MTHFD1L: variants seen among roughly 807,000 people sequenced by gnomAD.
The protein encoded by MTHFD1L is methylenetetrahydrofolate dehydrogenase (NADP+ dependent) 1 like, also known as monofunctional C1-tetrahydrofolate synthase, mitochondrial.
A neutral mutation model predicts 119.5 loss-of-function variants in MTHFD1L; 81 were observed. The observed-to-expected ratio is 0.68, with a 90% CI of 0.57 to 0.82. The LOEUF (loss-of-function observed/expected upper bound fraction) is 0.82. Ranked by LOEUF, MTHFD1L falls within the 40% of genes least tolerant of loss-of-function variation. MTHFD1L has a pLI of 0.00. For synonymous variants in MTHFD1L, 430 were observed against 475.2 expected (o/e 0.90, Z 1.24); for missense variants, 1,125 against 1,253.4 (o/e 0.90, Z 1.55).
intron 19 of MTHFD1L, among the ~76,000 whole-genome samples, chr6:150,969,571 A>T (rs526703): frequency 0.5 from 75,808 of 151,378 alleles, 20,155 homozygotes; most frequent in African/African-American, 0.65. Flanking sequence ...TTGCTAGGGA[A>T]AGAAGGGGGA....
At chr6:151,077,888 A>T (rs573519638) in intron 26 of MTHFD1L, among the ~76,000 whole-genome samples, 29 of 151,152 alleles carry the variant, frequency 1.9e-4, no homozygotes, top group African/African-American at 5.6e-4. Context: ...TGTCTCTACT[A>T]AAAATACAAA....
At chr6:151,042,463 A>AT (rs1158313616) in intron 26 of MTHFD1L, among the ~76,000 whole-genome samples, 1 of 152,212 alleles carries the variant, frequency 6.6e-6, no homozygotes. Context: ...TCTACTACAA[A>AT]TTACCCTGTT....
At chr6:151,038,462 G>A (rs1786545488) in intron 26 of MTHFD1L, among the ~76,000 whole-genome samples, 1 of 152,160 alleles carries the variant, frequency 6.6e-6, no homozygotes, top group African/African-American at 2.4e-5. Context: ...TAGCAGGACA[G>A]GGTCACATGG....
At position 151,018,269 on chromosome 6, in the gene MTHFD1L, A is replaced by G. The variant is rs375892561; in HGVS notation, c.2586+2576A>G. Among the ~76,000 whole-genome samples the G allele has an allele frequency of 3.3e-5, 5 of 152,306 alleles. No individual in the cohort carries two copies. In the East Asian group the frequency reaches 7.7e-4, roughly 24 times the overall value. On this transcript the variant is annotated intron_variant, in intron 24 of 27. Transcript: ENST00000367321. ...TCACAGACACTCTTCTTTCCTGTTCAGTGGCATAAATCAATAGCATAAGTG... is the reference window on the plus strand; with the variant it reads ...TCACAGACACTCTTCTTTCCTGTTCGGTGGCATAAATCAATAGCATAAGTG...
chr6:150,957,255 T>C (rs891992639), intron 17 of MTHFD1L, among the ~76,000 whole-genome samples: 1 of 152,200 alleles, frequency 6.6e-6, no homozygotes, highest in African/African-American at 2.4e-5. Context: ...AGACAATTTA[T>C]GGATACAGAA....
intron 24 of MTHFD1L, among the ~76,000 whole-genome samples, chr6:151,030,660 C>T (rs961491990): frequency 1.3e-5 from 2 of 152,200 alleles, no homozygotes; most frequent in Non-Finnish European, 2.9e-5. Context: ...TGCAGCACAT[C>T]AACACCTGAA....
rs1326963233 is a variant in MTHFD1L at position 150,956,067 on chromosome 6, G to C, written c.1799G>C (p.Arg600Pro). The C allele has an allele frequency of 6.2e-7, 1 of 1,613,622 alleles. No homozygotes were observed. Among genetic ancestry groups the C allele is most frequent in the East Asian group, 2.2e-5 (1 of 44,872 alleles). ...GGAAACACAGAGAAGGGCCATTACC[G>C]GCAGGTAGGTGGTGCTTTCTTCCCG... is the stretch of plus-strand genomic sequence containing the variant. ...GQGNTEKGHY[R>P]QAQFDIAVAS... Residue 600 changes from arginine to proline, a missense_variant, in exon 17 of 28, where the codon CGG becomes CCG. Physicochemically the swap from Arg to Pro is moderately radical, Grantham distance 103. Coordinates refer to ENST00000367321, the MANE Select transcript of MTHFD1L (RefSeq NM_015440.5).
At chr6:150,999,624 A>C (rs949964670) in intron 20 of MTHFD1L, among the ~76,000 whole-genome samples, 7 of 152,238 alleles carry the variant, frequency 4.6e-5, no homozygotes, top group Non-Finnish European at 1.0e-4. Context: ...AATTTATTAC[A>C]TGTATAATCA....
At chr6:150,936,198 G>T (rs1792024832) in intron 11 of MTHFD1L, among the ~76,000 whole-genome samples, 2 of 147,622 alleles carry the variant, frequency 1.4e-5, no homozygotes, top group South Asian at 4.5e-4. Flanking sequence ...CTAGAACAAA[G>T]AACTTTTGAA....
chr6:150,977,902 C>CTTTTTTTTTTT (rs11355188), intron 20 of MTHFD1L, among the ~76,000 whole-genome samples: 1 of 141,120 alleles, frequency 7.1e-6, no homozygotes, highest in Non-Finnish European at 1.5e-5. Flanking sequence ...ATATATACAC[C>CTTTTTTTTTTT]TTTTTTTTTT....
intron 26 of MTHFD1L, among the ~76,000 whole-genome samples, chr6:151,081,498 C>CAAAAAAAAAAAAAA (rs56795003): frequency 2.0e-5 from 2 of 98,158 alleles, no homozygotes; most frequent in African/African-American, 9.2e-5. Flanking sequence ...ACTAAAAATG[C>CAAAAAAAAAAAAAA]AAAAAAAAAA....
chr6:150,994,094 A>AAAGAAAGAAAGAAAGAAAGAAAGAAAGT (rs1482239065), intron 20 of MTHFD1L, among the ~76,000 whole-genome samples: 4 of 119,608 alleles, frequency 3.3e-5, no homozygotes, highest in Admixed American at 8.3e-5. Flanking sequence ...AGAAAGAAAG[A>AAAGAAAGAAAGAAAGAAAGAAAGAAAGT]AAGTGACCCA....
chr6:150,871,886 A>ATTTTTTTTTTTTTTTTTTTTTTTTTTTTT (rs985548250), intron 1 of MTHFD1L, among the ~76,000 whole-genome samples: 1 of 147,534 alleles, frequency 6.8e-6, no homozygotes, highest in African/African-American at 2.5e-5. Flanking sequence ...ATTTTATTTT[A>ATTTTTTTTTTTTTTTTTTTTTTTTTTTTT]TTTTATTTTT....
At position 150,979,768 on chromosome 6, in the gene MTHFD1L, G is replaced by A. The variant is rs535038996; in HGVS notation, c.2125+7710G>A. Among the ~76,000 whole-genome samples the A allele has an allele frequency of 6.6e-4, 101 of 152,154 alleles. No individual in the cohort carries two copies. In the South Asian group the frequency reaches 0.02, roughly 30 times the overall value. On this transcript the variant is annotated intron_variant, in intron 20 of 27. Transcript: ENST00000367321. ...ACTCACCCCTGCCTCCCAAAGTGTA[G>A]AGATTATAGCTGTGCACCACTGCAC...
chr6:151,025,229 C>G (rs943810764), intron 24 of MTHFD1L, among the ~76,000 whole-genome samples: 1 of 152,224 alleles, frequency 6.6e-6, no homozygotes, highest in Non-Finnish European at 1.5e-5. Context: ...GCCCGCGAGC[C>G]CACAGGGCTC....
chr6:150,985,660 CAAAAAA>C (rs71014533), intron 20 of MTHFD1L, among the ~76,000 whole-genome samples: 1 of 78,970 alleles, frequency 1.3e-5, no homozygotes, highest in Admixed American at 1.4e-4. Flanking sequence ...GACTCTGTCT[CAAAAAA>C]AAAAAAAAAA....
At chr6:150,966,993 C>G (rs1797304761) in intron 19 of MTHFD1L, among the ~76,000 whole-genome samples, 1 of 152,204 alleles carries the variant, frequency 6.6e-6, no homozygotes, top group Admixed American at 6.5e-5. Flanking sequence ...AAGGCCACAC[C>G]CTTCTGCGGC....
intron 26 of MTHFD1L, among the ~76,000 whole-genome samples, chr6:151,075,546 T>C (rs1232485317): frequency 6.6e-6 from 1 of 151,952 alleles, no homozygotes; most frequent in Non-Finnish European, 1.5e-5. Context: ...ACAAATATAG[T>C]CAGAATTTTT....
In MTHFD1L at chr6:150,918,613, G is replaced by T. The variant is rs780943368; in HGVS notation, c.929G>T (p.Gly310Val). The part of the protein sequence containing the change: ...VGCGSPRIHF[G>V]GLIEEDDVIL... ...TGTGGCTCTCCAAGAATACATTTTG[G>T]TGGACTCATTGAGGAAGATGATGTG... The change falls in exon 9 of 28, where the codon GGT becomes GTT. Residue 310 changes from glycine to valine, a missense_variant. Gly to Val is a moderately radical substitution (Grantham distance 109). Around this residue, in one of 3 missense-constraint regions of MTHFD1L, gnomAD observed 1,058 missense variants for 1,151.2 expected, o/e 0.92. Coordinates refer to ENST00000367321, the MANE Select transcript of MTHFD1L (RefSeq NM_015440.5). 10 of 1,614,006 alleles carry T rather than the reference G, an allele frequency of 6.2e-6. No homozygotes were observed. The highest frequency in any genetic ancestry group is 1.3e-5 in the African/African-American group (1 of 74,894).
Sources: allele counts gnomAD v4.1 joint callset (sites outside exome capture counted in the v4.1 genomes callset), GRCh38; gene constraint gnomAD v4.1.1; regional missense constraint gnomAD v4.1.1; transcripts MANE v1.5; gene names NCBI Gene and HGNC (gene_info 2026-07-23, HGNC 2026-07-21).